Variants in FRAS1 observed in about 807,000 individuals in gnomAD.
The protein encoded by FRAS1 is Fraser extracellular matrix complex subunit 1, also known as extracellular matrix organizing protein FRAS1.
A neutral mutation model predicts 435.2 loss-of-function variants in FRAS1; 290 were observed. The observed-to-expected ratio is 0.67, with a 90% CI of 0.61 to 0.73. FRAS1 has a LOEUF of 0.73. FRAS1 is among the 30% of genes least tolerant of loss of function. FRAS1 has a pLI of 0.00. For synonymous variants in FRAS1, 1,800 were observed against 1,851.0 expected, an observed-to-expected ratio of 0.97 and a Z score of 0.71; for missense variants, 4,860 against 5,001.5, an observed-to-expected ratio of 0.97 and a Z score of 0.85.
At chr4:78,464,266 G>T (rs748420220) in intron 48 of FRAS1, 121 bp downstream of exon 48, 1 of 1,401,352 alleles carries the variant, frequency 7.1e-7, no homozygotes, top group Non-Finnish European at 9.6e-7. Context: ...TCAGTCAAGG[G>T]GTAGGGGCAG....
intron 2 of FRAS1, among the ~76,000 whole-genome samples, chr4:78,195,054 C>T (rs1722739998): frequency 6.6e-6 from 1 of 152,166 alleles, no homozygotes; most frequent in East Asian, 1.9e-4. Flanking sequence ...CCCTGTTTGC[C>T]TGGGTATCAG....
At chr4:78,173,063 C>T (rs1303675386) in intron 2 of FRAS1, among the ~76,000 whole-genome samples, 1 of 152,192 alleles carries the variant, frequency 6.6e-6, no homozygotes, top group African/African-American at 2.4e-5. Context: ...CAGGTGTGCT[C>T]GAAAGGCTGA....
At chr4:78,505,318 T>G (rs1196477571) in intron 61 of FRAS1, among the ~76,000 whole-genome samples, 1 of 152,212 alleles carries the variant, frequency 6.6e-6, no homozygotes, top group Non-Finnish European at 1.5e-5. Flanking sequence ...TCCTGAAGAG[T>G]GTTTTCCAAC....
At chr4:78,331,595 A>G (rs1037860827) in intron 18 of FRAS1, among the ~76,000 whole-genome samples, 1 of 152,150 alleles carries the variant, frequency 6.6e-6, no homozygotes, top group Non-Finnish European at 1.5e-5. Flanking sequence ...GGCAATGGAG[A>G]TCTCAGTGGT....
rs182491186 is a variant in FRAS1, at chr4:78,466,570, C to G, written c.7257+135C>G. ...TAGTAGATTGACCTTGGGCAAATTA[C>G]ATTTCTAAGCCTCAGTTTTTCATCT... On this transcript the variant is annotated intron_variant, in intron 50 of 73. Coordinates refer to ENST00000512123, the MANE Select transcript of FRAS1 (RefSeq NM_025074.7). The G allele has an allele frequency of 3.2e-4, 206 of 648,166 alleles. 4 individuals carry two copies. In the East Asian group the frequency reaches 4.6e-3, roughly 14 times the overall value. 40.2% of individuals were successfully genotyped at this position (648,166 alleles called of 1,614,324 possible).
intron 2 of FRAS1, among the ~76,000 whole-genome samples, chr4:78,205,835 C>G (rs1314221919): frequency 6.6e-6 from 1 of 152,084 alleles, no homozygotes; most frequent in Non-Finnish European, 1.5e-5. Context: ...TCTGGCCTCT[C>G]ACTGTAACTG....
At chr4:78,141,970 T>C (rs988361891) in intron 2 of FRAS1, among the ~76,000 whole-genome samples, 3 of 151,910 alleles carry the variant, frequency 2.0e-5, no homozygotes, top group Non-Finnish European at 4.4e-5. Flanking sequence ...ACAATGGACT[T>C]TGGGGACTGG....
chr4:78,526,273 A>G (rs1721530556), intron 69 of FRAS1, among the ~76,000 whole-genome samples: 1 of 152,204 alleles, frequency 6.6e-6, no homozygotes, highest in Admixed American at 6.5e-5. Flanking sequence ...TTTCATATGT[A>G]GTCTGCCTTT....
At chr4:78,138,437 C>T (rs1459951602) in intron 2 of FRAS1, among the ~76,000 whole-genome samples, 1 of 152,196 alleles carries the variant, frequency 6.6e-6, no homozygotes, top group Non-Finnish European at 1.5e-5. Flanking sequence ...AGCGATATTA[C>T]TGATAAGCCT....
chr4:78,183,273 C>A (rs967479375), intron 2 of FRAS1, among the ~76,000 whole-genome samples: 1 of 152,124 alleles, frequency 6.6e-6, no homozygotes, highest in Non-Finnish European at 1.5e-5. Context: ...ATCCTAGTTT[C>A]TGAAGTCTAC....
At chr4:78,268,877 T>C (rs1182018400) in intron 9 of FRAS1, among the ~76,000 whole-genome samples, 1 of 152,190 alleles carries the variant, frequency 6.6e-6, no homozygotes, top group Non-Finnish European at 1.5e-5. Context: ...CATAACACCG[T>C]CTCATTCCTT....
At chr4:78,538,583 C>T (rs1046834754) in intron 72 of FRAS1, among the ~76,000 whole-genome samples, 5 of 152,046 alleles carry the variant, frequency 3.3e-5, no homozygotes, top group African/African-American at 9.7e-5. Context: ...ACAATCATAG[C>T]AGAAGGGGAA....
At chr4:78,277,120 T>A (rs1298944840) in intron 9 of FRAS1, among the ~76,000 whole-genome samples, 1 of 152,198 alleles carries the variant, frequency 6.6e-6, no homozygotes, top group Non-Finnish European at 1.5e-5. Context: ...GAGCCAGGCG[T>A]GGGATATAAT....
rs767680645 is a variant in FRAS1, at chr4:78,308,161, G to A, written c.1630G>A (p.Glu544Lys). The A allele has an allele frequency of 1.2e-6, 2 of 1,613,964 alleles. No homozygotes were observed. Among genetic ancestry groups the A allele is most frequent in the Non-Finnish European group, 1.7e-6 (2 of 1,179,876 alleles). ...CCACGTGCTGAGAGATGGCGGCTGTGAGAGCAGCTGTGGAAAAGGCTTCTA... is the reference window on the plus strand; with the variant it reads ...CCACGTGCTGAGAGATGGCGGCTGTAAGAGCAGCTGTGGAAAAGGCTTCTA... ...PLHVLRDGGC[E>K]SSCGKGFYNR... The change falls in exon 15 of 74, where the codon GAG becomes AAG. Residue 544 changes from glutamate (E) to lysine (K), a missense_variant. Glu to Lys is a moderately conservative substitution (Grantham distance 56). Transcript: ENST00000512123.
In FRAS1 at chr4:78,452,189, C is replaced by T; in HGVS notation, c.6598C>T (p.Pro2200Ser). Residue 2200 changes from proline (P) to serine (S), a missense_variant, in exon 47 of 74, where the codon CCA becomes TCA. Coordinates refer to ENST00000512123, the MANE Select transcript of FRAS1 (RefSeq NM_025074.7). The part of the protein sequence containing the change: ...SISILEDKSP[P>S]VITTNKGLVL... ...GATATTTTCAGAAGACAAATCCCCA[C>T]CAGTCATCACCACCAATAAAGGACT... The T allele has an allele frequency of 6.2e-7, 1 of 1,613,592 alleles. No homozygotes were observed. The highest frequency in any genetic ancestry group is 8.5e-7 in the Non-Finnish European group (1 of 1,179,582).
chr4:78,095,960 A>G (rs1008132904), intron 2 of FRAS1, among the ~76,000 whole-genome samples: 2 of 152,218 alleles, frequency 1.3e-5, no homozygotes, highest in Non-Finnish European at 2.9e-5. Flanking sequence ...TCATTCCAAC[A>G]TTAACCCAAA....
chr4:78,387,768 T>G, intron 29 of FRAS1, 67 bp downstream of exon 29: 2 of 1,065,662 alleles, frequency 1.9e-6, no homozygotes, highest in Non-Finnish European at 2.6e-6. Context: ...TTGATATTAT[T>G]TTATGATACT....
intron 28 of FRAS1, among the ~76,000 whole-genome samples, chr4:78,384,973 C>G (rs1419004099): frequency 6.6e-6 from 1 of 150,926 alleles, no homozygotes; most frequent in Non-Finnish European, 1.5e-5. Context: ...TTATCTCTCT[C>G]TAGTATGTGG....
intron 2 of FRAS1, among the ~76,000 whole-genome samples, chr4:78,217,553 A>G (rs1723822372): frequency 6.6e-6 from 1 of 152,080 alleles, no homozygotes; most frequent in East Asian, 1.9e-4. Context: ...CATTTTGGAG[A>G]TAAGAGATTG....
Sources: gnomAD v4.1 joint callset for allele counts (sites outside exome capture counted in the v4.1 genomes callset) on GRCh38, gnomAD v4.1.1 for gene constraint, MANE v1.5 for transcripts, NCBI Gene and HGNC (gene_info 2026-07-23, HGNC 2026-07-21) for gene names.